The following ADAMTS12 variants were observed in gnomAD, a reference collection of about 807,000 sequenced individuals.
ADAMTS12 encodes A disintegrin and metalloproteinase with thrombospondin motifs 12.
Under a neutral mutation model 167.8 loss-of-function variants are expected in ADAMTS12, and 118 were observed. That is an observed-to-expected ratio of 0.70 (90% CI 0.61 to 0.82). The LOEUF is 0.82. ADAMTS12 is among the 40% of genes least tolerant of loss of function. The probability of loss-of-function intolerance (pLI) is 0.00; values close to 1 mark genes in which losing one functional copy is unlikely to be tolerated. For synonymous variants in ADAMTS12, 704 were observed against 716.9 expected, an observed-to-expected ratio of 0.98 and a Z score of 0.29; for missense variants, 1,916 against 1,998.8, an observed-to-expected ratio of 0.96 and a Z score of 0.79.
chr5:33,631,988 G>A (rs933477836), intron 12 of ADAMTS12, among the ~76,000 whole-genome samples: 2 of 152,110 alleles, frequency 1.3e-5, no homozygotes, highest in African/African-American at 4.8e-5. Flanking sequence ...CTGTCTGCTT[G>A]AGGTTGCAGT....
At chr5:33,598,874 G>A (rs1347594862) in intron 16 of ADAMTS12, among the ~76,000 whole-genome samples, 1 of 152,176 alleles carries the variant, frequency 6.6e-6, no homozygotes, top group Non-Finnish European at 1.5e-5. Flanking sequence ...ATGCAGAAGT[G>A]ATGCTGTGTG....
rs184726996 is a variant in ADAMTS12, at chr5:33,748,471, G to T, written c.634+2933C>A. On this transcript the variant is annotated intron_variant, in intron 3 of 23. Transcript: ENST00000504830. Reference sequence around the variant, plus strand: ...AATTGAGAAAATCAAAAACAAAATAGCATCACATTAAAGGCCTGGAAAACA... The same window carrying T: ...AATTGAGAAAATCAAAAACAAAATATCATCACATTAAAGGCCTGGAAAACA... 1.9e-3 allele frequency among the ~76,000 whole-genome samples: 282 copies of T among 152,160 alleles called. 1 individual carries two copies. The highest frequency in any genetic ancestry group is 6.3e-3 in the African/African-American group (261 of 41,536).
At chr5:33,580,598 A>C (rs1747015598) in intron 18 of ADAMTS12, among the ~76,000 whole-genome samples, 1 of 152,180 alleles carries the variant, frequency 6.6e-6, no homozygotes, top group African/African-American at 2.4e-5. Context: ...ATATTTTAAA[A>C]CAGAAGATGG....
intron 1 of ADAMTS12, among the ~76,000 whole-genome samples, chr5:33,889,736 T>C (rs909307555): frequency 6.6e-6 from 1 of 152,178 alleles, no homozygotes; most frequent in African/African-American, 2.4e-5. Flanking sequence ...GCAGATCACC[T>C]GAGGTCAGGA....
In ADAMTS12 at chr5:33,645,138, G is replaced by A. The variant is rs1237688378; in HGVS notation, c.1480-1668C>T. On this transcript the variant is annotated intron_variant, in intron 9 of 23. Transcript: ENST00000504830. ...CATCCATGGTATCTCCAGGACAAAT[G>A]CTTTATTTATTATTATTATTATTAT... Among the ~76,000 whole-genome samples, 3 of 144,334 alleles carry A rather than the reference G, an allele frequency of 2.1e-5. No homozygotes were observed. The Admixed American group carries it at 2.1e-4, about 10-fold the overall frequency. 94.7% of individuals were successfully genotyped at this position (144,334 alleles called of 152,430 possible).
Position 33,564,756 on chromosome 5 carries a change from T to G in ADAMTS12, c.3973-3577A>C, listed in dbSNP as rs186420567. Among the ~76,000 whole-genome samples, 408 of 152,304 alleles carry G rather than the reference T, an allele frequency of 2.7e-3. 4 individuals are homozygous for G. Among genetic ancestry groups the G allele is most frequent in the African/African-American group, 8.7e-3 (361 of 41,552 alleles). ...ATGGGACTTTTATCATTCATGCCTC[T>G]CAGACATTCAATGCTAGTTGCCGCC... On this transcript the variant is annotated intron_variant, in intron 19 of 23. Coordinates refer to ENST00000504830, the MANE Select transcript of ADAMTS12 (RefSeq NM_030955.4).
intron 3 of ADAMTS12, among the ~76,000 whole-genome samples, chr5:33,694,524 T>A: frequency 6.6e-6 from 1 of 152,178 alleles, no homozygotes; most frequent in East Asian, 1.9e-4. Flanking sequence ...GGTACCTGAC[T>A]GGTAAAAAGG....
intron 3 of ADAMTS12, among the ~76,000 whole-genome samples, chr5:33,734,751 G>GA (rs543101573): frequency 4.9e-4 from 75 of 152,320 alleles, no homozygotes; most frequent in Admixed American, 2.7e-3. Context: ...AAAACGGTGG[G>GA]TGGGGGAGGA....
intron 2 of ADAMTS12, among the ~76,000 whole-genome samples, chr5:33,778,852 G>T (rs1746012397): frequency 6.6e-6 from 1 of 151,970 alleles, no homozygotes; most frequent in African/African-American, 2.4e-5. Flanking sequence ...TTAAAAATGG[G>T]CAAAGAACCT....
chr5:33,883,998 C>T (rs1211087440), intron 1 of ADAMTS12, among the ~76,000 whole-genome samples: 1 of 152,234 alleles, frequency 6.6e-6, no homozygotes, highest in Non-Finnish European at 1.5e-5. Context: ...AGTGATGCCT[C>T]TGGCTCCTCC....
rs1744980909 is a variant in ADAMTS12, at chr5:33,751,525, A to G, written c.513T>C (p.His171=). 6.2e-7 allele frequency: 1 copy of G among 1,614,064 alleles called. No individual in the cohort carries two copies. Among genetic ancestry groups the G allele is most frequent in the Non-Finnish European group, 8.5e-7 (1 of 1,179,986 alleles). The change falls in exon 3 of 24, where the codon CAT becomes CAC. Residue 171 remains histidine, a synonymous_variant. Transcript: ENST00000504830. ...HGLTGFFQLP[H]GDFFIEPVKK... The stretch of plus-strand genomic sequence containing the variant: ...TCACGGGTTCAATGAAAAAGTCTCC[A>G]TGTGGTAGTTGGAAAAATCCAGTCT...
intron 2 of ADAMTS12, among the ~76,000 whole-genome samples, chr5:33,777,070 C>T (rs891737443): frequency 1.3e-5 from 2 of 152,134 alleles, no homozygotes; most frequent in Admixed American, 6.5e-5. Flanking sequence ...GACCTCTTGG[C>T]TTCAGTGCTG....
At chr5:33,622,249 A>G (rs956335082) in intron 14 of ADAMTS12, among the ~76,000 whole-genome samples, 1 of 152,214 alleles carries the variant, frequency 6.6e-6, no homozygotes, top group African/African-American at 2.4e-5. Context: ...AAGGGATTAC[A>G]AGGTTAAGTG....
At chr5:33,569,773 A>G (rs1201413167) in intron 19 of ADAMTS12, among the ~76,000 whole-genome samples, 1 of 152,238 alleles carries the variant, frequency 6.6e-6, no homozygotes, top group African/African-American at 2.4e-5. Flanking sequence ...TGAGAGAAGA[A>G]GGCTTCAGAC....
chr5:33,720,885 A>C (rs138028464), intron 3 of ADAMTS12, among the ~76,000 whole-genome samples: 2 of 152,188 alleles, frequency 1.3e-5, no homozygotes, highest in Non-Finnish European at 2.9e-5. Flanking sequence ...ATGTGTGTGT[A>C]TTCTCAAAAG....
intron 2 of ADAMTS12, chr5:33,840,435 C>A (rs1748707334): frequency 6.6e-6 from 1 of 152,238 alleles, no homozygotes; most frequent in South Asian, 2.1e-4. Context: ...AAGAACCTGG[C>A]AGCCTGGGTT....
chr5:33,721,701 C>T (rs959472782), intron 3 of ADAMTS12, among the ~76,000 whole-genome samples: 5 of 152,248 alleles, frequency 3.3e-5, no homozygotes, highest in Non-Finnish European at 1.5e-5. Flanking sequence ...TTTAATCCTG[C>T]ATCCTGAGTT....
rs138313401 is a variant in ADAMTS12, at chr5:33,664,245, G to A, written c.916-2205C>T. On this transcript the variant is annotated intron_variant, in intron 5 of 23. Coordinates refer to ENST00000504830, the MANE Select transcript of ADAMTS12 (RefSeq NM_030955.4). Reference sequence around the variant, plus strand: ...TGAAAAAAGAAAAATAAAGTGGAACGTATCACTTTACCTCATATTAAGGCT... The same window carrying A: ...TGAAAAAAGAAAAATAAAGTGGAACATATCACTTTACCTCATATTAAGGCT... Among the ~76,000 whole-genome samples the A allele has an allele frequency of 7.9e-5, 12 of 152,166 alleles. 1 individual carries two copies.
chr5:33,720,040 AT>A (rs1307793545), intron 3 of ADAMTS12, among the ~76,000 whole-genome samples: 6 of 152,124 alleles, frequency 3.9e-5, no homozygotes, highest in African/African-American at 1.4e-4. Flanking sequence ...CAAACCCAAT[AT>A]CTTTATTACA....
Sources: gnomAD v4.1 joint callset for allele counts (sites outside exome capture counted in the v4.1 genomes callset) on GRCh38, gnomAD v4.1.1 for gene constraint, MANE v1.5 for transcripts, NCBI Gene and HGNC (gene_info 2026-07-23, HGNC 2026-07-21) for gene names.